The following SATB2 variants were observed in gnomAD, a reference collection of about 807,000 sequenced individuals.
SATB2 encodes the protein SATB homeobox 2.
In SATB2, 1 loss-of-function variant was observed where a neutral mutation model predicts 73.4. That is an observed-to-expected ratio of 0.01 (90% CI 0.00 to 0.06). SATB2 has a LOEUF of 0.06. SATB2 is among the 10% of genes least tolerant of loss of function. The probability of loss-of-function intolerance (pLI) is 1.00; values close to 1 mark genes in which losing one functional copy is unlikely to be tolerated. For synonymous variants in SATB2, 397 were observed against 367.0 expected, an observed-to-expected ratio of 1.08 and a Z score of -0.93; for missense variants, 459 against 945.8, an observed-to-expected ratio of 0.49 and a Z score of 6.75.
At chr2:199,364,484 A>G (rs1388746563) in intron 6 of SATB2, among the ~76,000 whole-genome samples, 1 of 152,174 alleles carries the variant, frequency 6.6e-6, no homozygotes, top group East Asian at 1.9e-4. Context: ...GCTTTTTAAT[A>G]TCTGGCAAAA....
chr2:199,395,209 G>C (rs1414429096), intron 3 of SATB2, among the ~76,000 whole-genome samples: 2 of 151,560 alleles, frequency 1.3e-5, no homozygotes, highest in African/African-American at 4.9e-5. Context: ...ATTTTTAATT[G>C]GTTCAATCGT....
intron 3 of SATB2, among the ~76,000 whole-genome samples, chr2:199,402,183 G>A (rs1001870014): frequency 2.0e-5 from 3 of 152,066 alleles, no homozygotes; most frequent in African/African-American, 7.2e-5. Flanking sequence ...TCAAGAGATT[G>A]AGACCATCCT....
intron 7 of SATB2, among the ~76,000 whole-genome samples, chr2:199,338,511 C>T (rs1440262196): frequency 6.6e-6 from 1 of 152,012 alleles, no homozygotes; most frequent in African/African-American, 2.4e-5. Context: ...GTGAAACAAG[C>T]TTATAAAACT....
intron 10 of SATB2, among the ~76,000 whole-genome samples, chr2:199,291,910 CA>C (rs113607086): frequency 3.9e-4 from 56 of 143,704 alleles, no homozygotes; most frequent in South Asian, 1.6e-3. Flanking sequence ...GACTCTGTCT[CA>C]AAAAAAAAAT....
chr2:199,271,170 G>A lies in SATB2; in HGVS notation c.*1041C>T, dbSNP rs1293646132. On this transcript the variant is annotated 3_prime_UTR_variant, in exon 11 of 11. Transcript: ENST00000417098. The stretch of plus-strand genomic sequence containing the variant: ...AGCAGGCTTATTAATTTTCAGATTT[G>A]AAGCCACAAGCAGGTAAATAAATTT... 1 of 152,710 alleles carries A rather than the reference G, an allele frequency of 6.5e-6. No homozygotes were observed. Among genetic ancestry groups the A allele is most frequent in the East Asian group, 1.9e-4 (1 of 5,318 alleles). The allele number at this position is 152,710 out of a possible 1,614,324, so 9.5% of individuals were successfully genotyped here. A position where few individuals can be genotyped will look rare whatever the true frequency, so the allele number is the denominator to read the frequency against.
intron 6 of SATB2, among the ~76,000 whole-genome samples, chr2:199,363,570 T>C (rs1488417163): frequency 6.6e-6 from 1 of 152,194 alleles, no homozygotes; most frequent in African/African-American, 2.4e-5. Context: ...TGAGATCTAT[T>C]GTACAGCATG....
intron 2 of SATB2, among the ~76,000 whole-genome samples, chr2:199,436,185 G>GA (rs1474066564): frequency 6.6e-6 from 1 of 152,058 alleles, no homozygotes; most frequent in African/African-American, 2.4e-5. Context: ...ATGGTCAACT[G>GA]AAAAAACTTA....
intron 7 of SATB2, 71 bp from the exon 8 acceptor site, chr2:199,328,981 C>T: frequency 8.7e-7 from 1 of 1,149,804 alleles, no homozygotes; most frequent in South Asian, 1.3e-5. Context: ...CTGTCTTCCA[C>T]CCCTCTCCTC....
At chr2:199,414,391 T>C (rs1400475049) in intron 3 of SATB2, among the ~76,000 whole-genome samples, 1 of 152,226 alleles carries the variant, frequency 6.6e-6, no homozygotes, top group Admixed American at 6.5e-5. Context: ...CTTGTTGTAC[T>C]GGTACGGGAA....
At chr2:199,368,885 T>G in intron 5 of SATB2, 178 bp from the exon 6 acceptor site, 1 of 534,410 alleles carries the variant, frequency 1.9e-6, no homozygotes, top group East Asian at 3.3e-5. Context: ...ATCCCTTTAA[T>G]TTATACAATG....
chr2:199,431,788 C>T lies in SATB2; in HGVS notation c.346+1550G>A, dbSNP rs78568805. ...GTGTTCCACATGTGAGCTCGCGACG[C>T]GCTGAACGGCTGTGCTAACTGAGAT... is the stretch of plus-strand genomic sequence containing the variant. On this transcript the variant is annotated intron_variant, in intron 3 of 10. Transcript: ENST00000417098. Among the ~76,000 whole-genome samples the T allele has an allele frequency of 2.9e-3, 435 of 152,258 alleles. 2 individuals carry two copies. The highest frequency in any genetic ancestry group is 4.7e-3 in the Non-Finnish European group (320 of 68,030).
intron 7 of SATB2, chr2:199,346,731 T>C (rs1211608230): frequency 6.6e-6 from 1 of 152,192 alleles, no homozygotes; most frequent in Non-Finnish European, 1.5e-5. Flanking sequence ...GAACCACTGA[T>C]AAACATAAAA....
intron 3 of SATB2, among the ~76,000 whole-genome samples, chr2:199,393,852 T>C (rs1020293165): frequency 1.6e-4 from 24 of 152,122 alleles, no homozygotes; most frequent in Non-Finnish European, 2.8e-4. Context: ...GGTCTGCCAG[T>C]TGGTGAGCAA....
Position 199,308,710 on chromosome 2 carries a change from T to A in SATB2, c.1740+50A>T, listed in dbSNP as rs368907937. On this transcript the variant is annotated intron_variant, in intron 10 of 10. Transcript: ENST00000417098. The surrounding 1 kb of genome is among the most constrained non-coding windows in gnomAD (Gnocchi z 4.6). ...CACTTGGACCCTCAGCAGCTACTGC[T>A]GGCACACAGAGCCCTGATCAGGTGG... 1 of 1,526,648 alleles carries A rather than the reference T, an allele frequency of 6.6e-7. No homozygotes were observed. The highest frequency in any genetic ancestry group is 9.1e-7 in the Non-Finnish European group (1 of 1,102,036). 94.6% of individuals were successfully genotyped at this position (1,526,648 alleles called of 1,614,324 possible). A position where few individuals can be genotyped will look rare whatever the true frequency, so the allele number is the denominator to read the frequency against.
chr2:199,274,307 A>G lies in SATB2; in HGVS notation c.1741-1635T>C, dbSNP rs189413293. On this transcript the variant is annotated intron_variant, in intron 10 of 10. Transcript: ENST00000417098. ...TTCCTGCCACCACCACACACTACCC[A>G]TATGATCCATGTCTTTTAGCTATGA... 3.2e-4 allele frequency among the ~76,000 whole-genome samples: 49 copies of G among 152,088 alleles called. 1 individual carries two copies. The highest frequency in any genetic ancestry group is 1.1e-3 in the African/African-American group (47 of 41,482).
chr2:199,351,295 G>A (rs1688811826), intron 6 of SATB2, among the ~76,000 whole-genome samples: 2 of 151,738 alleles, frequency 1.3e-5, no homozygotes, highest in Non-Finnish European at 2.9e-5. Flanking sequence ...CCAAGTAACT[G>A]GGATTACTGG....
chr2:199,461,183 G>C (rs1419724858), upstream of SATB2, among the ~76,000 whole-genome samples: 1 of 152,208 alleles, frequency 6.6e-6, no homozygotes, highest in Non-Finnish European at 1.5e-5. Context: ...GAAGTTTTGT[G>C]ATCTATGTCC....
At chr2:199,450,270 T>G (rs1284359362) in intron 2 of SATB2, among the ~76,000 whole-genome samples, 12 of 152,154 alleles carry the variant, frequency 7.9e-5, no homozygotes, top group African/African-American at 2.9e-4. Context: ...TGCCAACATT[T>G]CATTTGTCAT....
At chr2:199,340,046 G>T (rs1688458141) in intron 7 of SATB2, among the ~76,000 whole-genome samples, 1 of 152,138 alleles carries the variant, frequency 6.6e-6, no homozygotes, top group South Asian at 2.1e-4. Context: ...AAAAGCAAAA[G>T]CCATGCCATT....
Sources: allele counts gnomAD v4.1 joint callset (sites outside exome capture counted in the v4.1 genomes callset), GRCh38; gene constraint gnomAD v4.1.1; non-coding constraint Gnocchi (gnomAD v3.1); transcripts MANE v1.5; gene names NCBI Gene and HGNC (gene_info 2026-07-23, HGNC 2026-07-21).